The following CORO2B variants were observed in gnomAD, a reference collection of about 807,000 sequenced individuals.
The protein encoded by CORO2B is coronin-2B.
A neutral mutation model predicts 58.8 loss-of-function variants in CORO2B; 26 were observed. That is an observed-to-expected ratio of 0.44 (90% CI 0.32 to 0.61). The LOEUF (loss-of-function observed/expected upper bound fraction) is 0.61. Among genes scored for constraint, CORO2B ranks in the 20% least tolerant of loss-of-function variants. The pLI is 0.04. For synonymous variants in CORO2B, 242 were observed against 253.8 expected (o/e 0.95, Z 0.44); for missense variants, 460 against 645.1 (o/e 0.71, Z 3.11).
intron 1 of CORO2B, among the ~76,000 whole-genome samples, chr15:68,593,139 T>C (rs1224083126): frequency 1.3e-5 from 2 of 152,138 alleles, no homozygotes; most frequent in African/African-American, 4.8e-5. Context: ...TCACATTAAT[T>C]AATTTGTGAG....
chr15:68,671,768 T>C lies in CORO2B; in HGVS notation c.217-23372T>C, dbSNP rs1029175432. On this transcript the variant is annotated intron_variant, in intron 2 of 11. Transcript: ENST00000261861. Reference sequence around the variant, plus strand: ...GCAGCTGGCCTCCTCTGAGTGGTGATCCAGGTGAGAGCAAGAGAGCCCAGG... The same window carrying C: ...GCAGCTGGCCTCCTCTGAGTGGTGACCCAGGTGAGAGCAAGAGAGCCCAGG... 3.3e-5 allele frequency among the ~76,000 whole-genome samples: 5 copies of C among 152,166 alleles called. No individual in the cohort carries two copies. In the East Asian group the frequency reaches 9.6e-4, roughly 29 times the overall value.
chr15:68,624,427 C>A (rs1900620063), intron 1 of CORO2B, among the ~76,000 whole-genome samples: 1 of 152,160 alleles, frequency 6.6e-6, no homozygotes, highest in Admixed American at 6.5e-5. Flanking sequence ...GTGAGCACGA[C>A]TACCAACACA....
chr15:68,635,333 C>G (rs1338895895), intron 1 of CORO2B, among the ~76,000 whole-genome samples: 1 of 152,218 alleles, frequency 6.6e-6, no homozygotes, highest in Non-Finnish European at 1.5e-5. Context: ...AAATAGAAAC[C>G]ATCTGTTGGG....
intron 2 of CORO2B, among the ~76,000 whole-genome samples, chr15:68,680,333 A>T (rs538269806): frequency 6.6e-6 from 1 of 152,322 alleles, no homozygotes; most frequent in East Asian, 1.9e-4. Flanking sequence ...GAAACCCTCC[A>T]TGATTATCTC....
At chr15:68,552,467 C>T in the CORO2B span, among the ~76,000 whole-genome samples, 34 of 2,192 alleles carry the variant, frequency 0.016, no homozygotes, top group African/African-American at 0.067. Flanking sequence ...CATAGGAGGA[C>T]GCGGGGGGGT....
chr15:68,590,834 G>C (rs544542502), intron 1 of CORO2B, among the ~76,000 whole-genome samples: 1 of 152,246 alleles, frequency 6.6e-6, no homozygotes, highest in African/African-American at 2.4e-5. Context: ...TTTTGCCAGG[G>C]AAGTGAGTGT....
chr15:68,709,202 G>A (rs888613335), intron 3 of CORO2B, among the ~76,000 whole-genome samples: 2 of 152,148 alleles, frequency 1.3e-5, no homozygotes, highest in Non-Finnish European at 2.9e-5. Context: ...CTGGGTCAAA[G>A]AGTATAATAT....
At chr15:68,532,386 G>A in the CORO2B span, among the ~76,000 whole-genome samples, 9 of 152,158 alleles carry the variant, frequency 5.9e-5, no homozygotes, top group East Asian at 5.8e-4. Flanking sequence ...TTCTGTTGCC[G>A]TGTCTCCAAC....
At chr15:68,692,956 C>G (rs1892419532) in intron 2 of CORO2B, among the ~76,000 whole-genome samples, 3 of 152,026 alleles carry the variant, frequency 2.0e-5, no homozygotes, top group Admixed American at 2.0e-4. Flanking sequence ...TTCTAACAGC[C>G]CAAAAGTAAT....
intron 1 of CORO2B, among the ~76,000 whole-genome samples, chr15:68,594,093 C>T (rs1899769685): frequency 6.6e-6 from 1 of 152,146 alleles, no homozygotes; most frequent in Non-Finnish European, 1.5e-5. Flanking sequence ...GAATAATGTG[C>T]TCCATAAATG....
the CORO2B span, chr15:68,559,613 G>A: frequency 1.0e-6 from 1 of 985,344 alleles, no homozygotes. This position sits in a 1 kb window ranked among gnomAD's most constrained non-coding sequence, Gnocchi z 4.3. Context: ...GCGTGCTGAT[G>A]GTAAGAGGCC....
Position 68,710,590 on chromosome 15 carries a change from C to G in CORO2B, c.334-142C>G. On this transcript the variant is annotated intron_variant, in intron 3 of 11. Transcript: ENST00000261861. The surrounding 1 kb of genome is among the most constrained non-coding windows in gnomAD (Gnocchi z 4.1). ...CTGAGACCTCCCAGCAGGCCTCAGT[C>G]GAGCTTTGCCCATCGCCTCAAGCCA... 1.0e-6 allele frequency: 1 copy of G among 961,586 alleles called. No individual in the cohort carries two copies. Among genetic ancestry groups the G allele is most frequent in the Non-Finnish European group, 1.5e-6 (1 of 683,658 alleles). The allele number at this position is 961,586 out of a possible 1,614,324, so 59.6% of individuals were successfully genotyped here. A position where few individuals can be genotyped will look rare whatever the true frequency, so the allele number is the denominator to read the frequency against.
At chr15:68,546,103 G>C in the CORO2B span, among the ~76,000 whole-genome samples, 4 of 152,064 alleles carry the variant, frequency 2.6e-5, no homozygotes, top group East Asian at 1.9e-4. Context: ...AAATCGACTT[G>C]GTGCTCCTTC....
chr15:68,608,510 C>G (rs1900176941), intron 1 of CORO2B, among the ~76,000 whole-genome samples: 3 of 152,320 alleles, frequency 2.0e-5, no homozygotes, highest in Admixed American at 2.0e-4. Flanking sequence ...TGGTATTGCT[C>G]TGTGTGAGTG....
intron 2 of CORO2B, among the ~76,000 whole-genome samples, chr15:68,653,204 C>A (rs1368589447): frequency 6.6e-6 from 1 of 152,120 alleles, no homozygotes; most frequent in Non-Finnish European, 1.5e-5. Context: ...AATTGGCCCA[C>A]CGACCCACCC....
chr15:68,654,155 T>G (rs1303212341), intron 2 of CORO2B, among the ~76,000 whole-genome samples: 1 of 152,222 alleles, frequency 6.6e-6, no homozygotes, highest in Non-Finnish European at 1.5e-5. Flanking sequence ...TGTTTTTCCT[T>G]TTTTGGAAGA....
intron 11 of CORO2B, among the ~76,000 whole-genome samples, chr15:68,723,936 G>C (rs757606909): frequency 6.6e-6 from 1 of 152,050 alleles, no homozygotes; most frequent in Non-Finnish European, 1.5e-5. Flanking sequence ...CCGGGGTGGT[G>C]GCTCACACCT....
chr15:68,549,374 G>T, the CORO2B span, among the ~76,000 whole-genome samples: 4 of 151,792 alleles, frequency 2.6e-5, no homozygotes, highest in African/African-American at 7.3e-5. Context: ...ATTGTTTGGG[G>T]TTTTTTTTTA....
chr15:68,576,351 A>G (rs561069398), upstream of CORO2B, among the ~76,000 whole-genome samples: 1 of 152,040 alleles, frequency 6.6e-6, no homozygotes, highest in East Asian at 1.9e-4. Flanking sequence ...GATCAGAAAC[A>G]TTTTCCTTCT....
Sources: gnomAD v4.1 joint callset for allele counts (sites outside exome capture counted in the v4.1 genomes callset) on GRCh38, gnomAD v4.1.1 for gene constraint, Gnocchi (gnomAD v3.1) non-coding constraint, MANE v1.5 for transcripts, NCBI Gene and HGNC (gene_info 2026-07-23, HGNC 2026-07-21) for gene names.